ZBTB8OS: variants seen among roughly 807,000 people sequenced by gnomAD.
The protein encoded by ZBTB8OS is tRNA splicing ligase complex subunit 1, also known as tRNA-splicing ligase-activating factor archease.
In ZBTB8OS, 16 loss-of-function variants were observed where a neutral mutation model predicts 29.3. The ratio of observed to expected loss-of-function variants is 0.55; its 90% confidence interval spans 0.37 to 0.83. The LOEUF (loss-of-function observed/expected upper bound fraction) is 0.83. Among genes scored for constraint, ZBTB8OS ranks in the 40% least tolerant of loss-of-function variants. The pLI, the probability that ZBTB8OS is intolerant of heterozygous loss-of-function variation, is 0.00. For missense variants in ZBTB8OS, 160 were observed against 196.9 expected (o/e 0.81, Z 1.12); for synonymous variants, 70 against 64.6 (o/e 1.08, Z -0.40).
chr1:32,629,379 G>A (rs1042661625), intron 5 of ZBTB8OS, among the ~76,000 whole-genome samples: 2 of 151,860 alleles, frequency 1.3e-5, no homozygotes, highest in African/African-American at 2.4e-5. Context: ...TCATGCCACT[G>A]CACTCCAGGC....
At chr1:32,626,386 C>T (rs147175086) in intron 6 of ZBTB8OS, among the ~76,000 whole-genome samples, 1 of 152,070 alleles carries the variant, frequency 6.6e-6, no homozygotes, top group South Asian at 2.1e-4. Context: ...ATGATGTAAT[C>T]GCCTAAAGAT....
chr1:32,635,416 C>T (rs1010693639), intron 1 of ZBTB8OS, among the ~76,000 whole-genome samples: 46 of 151,924 alleles, frequency 3.0e-4, no homozygotes, highest in African/African-American at 1.1e-3. Flanking sequence ...GGATTACAGG[C>T]GCACACCACC....
chr1:32,645,005 C>A (rs1214611054), intron 1 of ZBTB8OS, among the ~76,000 whole-genome samples: 2 of 149,130 alleles, frequency 1.3e-5, no homozygotes, highest in East Asian at 2.0e-4. Flanking sequence ...ATGGTGAAAC[C>A]CCGTCTCTAC....
At chr1:32,637,660 TTC>T (rs1437476402) in intron 1 of ZBTB8OS, among the ~76,000 whole-genome samples, 2 of 152,146 alleles carry the variant, frequency 1.3e-5, no homozygotes, top group Non-Finnish European at 2.9e-5. Flanking sequence ...ACAAGTGTTT[TTC>T]TCAAGACAAG....
intron 1 of ZBTB8OS, among the ~76,000 whole-genome samples, chr1:32,650,026 A>T (rs1220156792): frequency 6.6e-6 from 1 of 152,130 alleles, no homozygotes; most frequent in Non-Finnish European, 1.5e-5. Flanking sequence ...TGCTAATATG[A>T]TCGAGGTGAA....
chr1:32,634,088 C>T lies in ZBTB8OS; in HGVS notation c.123-16G>A, dbSNP rs1214755357. On this transcript the variant is annotated splice_polypyrimidine_tract_variant and intron_variant, in intron 2 of 6. Coordinates refer to ENST00000468695, the MANE Select transcript of ZBTB8OS (RefSeq NM_178547.5). ...TGCGTGTAACCTAAAGAAGTATATT[C>T]ATGCTCTGTGTAATACAATCCACTG... The T allele has an allele frequency of 6.5e-7, 1 of 1,532,346 alleles. No individual in the cohort carries two copies. The highest frequency in any genetic ancestry group is 8.7e-7 in the Non-Finnish European group (1 of 1,148,768). The allele number at this position is 1,532,346 out of a possible 1,614,324, so 94.9% of individuals were successfully genotyped here.
intron 1 of ZBTB8OS, among the ~76,000 whole-genome samples, chr1:32,642,084 G>C (rs149522043): frequency 6.6e-6 from 1 of 152,048 alleles, no homozygotes; most frequent in Non-Finnish European, 1.5e-5. Context: ...CTCTTCAGAA[G>C]TATTTTATTT....
intron 4 of ZBTB8OS, among the ~76,000 whole-genome samples, chr1:32,632,633 G>A (rs575522279): frequency 3.3e-5 from 5 of 152,198 alleles, no homozygotes; most frequent in African/African-American, 1.2e-4. Context: ...TGTTGCCCAA[G>A]CTGAGTATTA....
chr1:32,646,682 A>G (rs1212195422), intron 1 of ZBTB8OS, among the ~76,000 whole-genome samples: 1 of 151,850 alleles, frequency 6.6e-6, no homozygotes, highest in Non-Finnish European at 1.5e-5. Context: ...TAGGAAAATT[A>G]TTTTAAAATC....
intron 1 of ZBTB8OS, among the ~76,000 whole-genome samples, chr1:32,642,554 G>GCAGA (rs1182205798): frequency 4.7e-5 from 7 of 150,378 alleles, no homozygotes; most frequent in Non-Finnish European, 8.9e-5. Flanking sequence ...GTTCTTTCTG[G>GCAGA]GGGAGAATTT....
chr1:32,648,457 A>G (rs1487017224), intron 1 of ZBTB8OS, among the ~76,000 whole-genome samples: 1 of 152,226 alleles, frequency 6.6e-6, no homozygotes, highest in Non-Finnish European at 1.5e-5. Context: ...TAATACCACA[A>G]GAGTAGAAAT....
At chr1:32,623,557 A>C (rs767824061) in intron 6 of ZBTB8OS, among the ~76,000 whole-genome samples, 2 of 152,126 alleles carry the variant, frequency 1.3e-5, no homozygotes, top group Non-Finnish European at 2.9e-5. Flanking sequence ...CCTGATTGCA[A>C]TGAATGGCTT....
At chr1:32,644,198 G>A (rs1281280545) in intron 1 of ZBTB8OS, among the ~76,000 whole-genome samples, 1 of 152,156 alleles carries the variant, frequency 6.6e-6, no homozygotes, top group Non-Finnish European at 1.5e-5. Flanking sequence ...GGGGCTTTGG[G>A]CGTTTATCAA....
At chr1:32,627,744 T>C (rs560273231) in intron 5 of ZBTB8OS, 200 bp from the exon 6 acceptor site, 5 of 587,028 alleles carry the variant, frequency 8.5e-6, no homozygotes, top group African/African-American at 7.5e-5. Context: ...GCTCTCAAGG[T>C]TGATAGTTAA....
intron 1 of ZBTB8OS, among the ~76,000 whole-genome samples, chr1:32,644,704 C>CT (rs1190646557): frequency 0.012 from 1,307 of 105,592 alleles, 29 homozygotes; most frequent in African/African-American, 0.023. Flanking sequence ...CCACACCCAG[C>CT]TTTTTTTTTT....
intron 6 of ZBTB8OS, among the ~76,000 whole-genome samples, chr1:32,622,311 T>G (rs941177576): frequency 6.6e-6 from 1 of 152,066 alleles, no homozygotes; most frequent in Admixed American, 6.6e-5. Flanking sequence ...AGCAAAGACA[T>G]AGAATCAATC....
intron 6 of ZBTB8OS, among the ~76,000 whole-genome samples, chr1:32,625,022 G>A (rs1394683925): frequency 6.6e-6 from 1 of 151,866 alleles, no homozygotes; most frequent in Non-Finnish European, 1.5e-5. Flanking sequence ...TCGGGAGTTC[G>A]AAACCAGCCT....
chr1:32,627,155 C>T (rs1645188160), intron 6 of ZBTB8OS, among the ~76,000 whole-genome samples: 1 of 152,070 alleles, frequency 6.6e-6, no homozygotes, highest in African/African-American at 2.4e-5. Context: ...CCATACAGGT[C>T]GGCAAATACA....
rs1297017991 is a variant in ZBTB8OS, at chr1:32,621,042, A to G, written c.*820T>C. 1.3e-5 allele frequency: 2 copies of G among 152,206 alleles called. No homozygotes were observed. The highest frequency in any genetic ancestry group is 6.5e-5 in the Admixed American group (1 of 15,278). 9.4% of individuals were successfully genotyped at this position (152,206 alleles called of 1,614,324 possible). A position where few individuals can be genotyped will look rare whatever the true frequency, so the allele number is the denominator to read the frequency against. On this transcript the variant is annotated 3_prime_UTR_variant, in exon 7 of 7. Transcript: ENST00000468695. Reference sequence around the variant, plus strand: ...TTGTTTCTCTACAAAAACCAACTGGAATACAGGATAGCTCTGTCCTATAGC... The same window carrying G: ...TTGTTTCTCTACAAAAACCAACTGGGATACAGGATAGCTCTGTCCTATAGC...
Sources: gnomAD v4.1 joint callset for allele counts (sites outside exome capture counted in the v4.1 genomes callset) on GRCh38, gnomAD v4.1.1 for gene constraint, MANE v1.5 for transcripts, NCBI Gene and HGNC (gene_info 2026-07-23, HGNC 2026-07-21) for gene names.